The following CPQ variants were observed in gnomAD, a reference collection of about 807,000 sequenced individuals.
CPQ encodes carboxypeptidase Q.
Under a neutral mutation model 45.7 loss-of-function variants are expected in CPQ, and 37 were observed. That is an observed-to-expected ratio of 0.81 (90% CI 0.62 to 1.07). The LOEUF (loss-of-function observed/expected upper bound fraction) is 1.07. CPQ is among the 50% of genes least tolerant of loss of function. CPQ has a pLI of 0.00. For synonymous variants in CPQ, 186 were observed against 205.8 expected (o/e 0.90, Z 0.82); for missense variants, 537 against 572.9 (o/e 0.94, Z 0.64).
intron 1 of CPQ, among the ~76,000 whole-genome samples, chr8:96,712,947 T>C (rs114709212): frequency 0.012 from 1,844 of 152,286 alleles, 47 homozygotes; most frequent in African/African-American, 0.04. Context: ...TCTTGATCGC[T>C]TTGCCCCTTA....
intron 1 of CPQ, among the ~76,000 whole-genome samples, chr8:96,652,553 A>G (rs1035204711): frequency 1.3e-5 from 2 of 152,152 alleles, no homozygotes; most frequent in African/African-American, 4.8e-5. Flanking sequence ...CCCTCCATGA[A>G]GTTTTCTGTA....
chr8:96,666,606 C>A lies in CPQ; in HGVS notation c.-35+21204C>A, dbSNP rs1188722525. On this transcript the variant is annotated intron_variant, in intron 1 of 7. Transcript: ENST00000220763. ...AACATGGGAAAGTATGCTGGTAAAT[C>A]AAAAACTGTATCGACTGGTCTATCA... 3.9e-5 allele frequency among the ~76,000 whole-genome samples: 6 copies of A among 152,146 alleles called. No individual in the cohort carries two copies. In the South Asian group the frequency reaches 6.2e-4, roughly 16 times the overall value.
chr8:96,836,475 C>A (rs187694170), intron 3 of CPQ, among the ~76,000 whole-genome samples: 23 of 152,158 alleles, frequency 1.5e-4, no homozygotes, highest in East Asian at 3.9e-4. Flanking sequence ...ATGTTCTTTG[C>A]GGGGTCTTTA....
At chr8:96,775,824 T>C (rs1351528972) in intron 1 of CPQ, among the ~76,000 whole-genome samples, 2 of 152,130 alleles carry the variant, frequency 1.3e-5, no homozygotes, top group East Asian at 3.9e-4. Context: ...CTCCATACCA[T>C]GGTGACAAGT....
intron 1 of CPQ, among the ~76,000 whole-genome samples, chr8:96,650,715 A>G (rs185558016): frequency 6.6e-6 from 1 of 152,362 alleles, no homozygotes; most frequent in Non-Finnish European, 1.5e-5. Flanking sequence ...TGAAGACCAA[A>G]AGAGCCAAGA....
intron 1 of CPQ, among the ~76,000 whole-genome samples, chr8:96,658,807 G>A (rs1446394718): frequency 6.6e-6 from 1 of 151,992 alleles, no homozygotes; most frequent in African/African-American, 2.4e-5. Context: ...CACGAGCCAA[G>A]GAATGTGGGT....
intron 6 of CPQ, among the ~76,000 whole-genome samples, chr8:97,049,345 A>C (rs1810316953): frequency 1.3e-5 from 2 of 152,224 alleles, no homozygotes; most frequent in Non-Finnish European, 2.9e-5. Flanking sequence ...AAGGAGACCC[A>C]AAGGATGTCA....
intron 6 of CPQ, among the ~76,000 whole-genome samples, chr8:97,031,295 T>C (rs987843524): frequency 2.6e-5 from 4 of 151,350 alleles, no homozygotes; most frequent in Non-Finnish European, 4.4e-5. Flanking sequence ...CAAGTGATTC[T>C]CCTGCCTCAG....
At position 97,041,066 on chromosome 8, in the gene CPQ, G is replaced by A. The variant is rs999059794; in HGVS notation, c.1053+11572G>A. On this transcript the variant is annotated intron_variant, in intron 6 of 7. Transcript: ENST00000220763. The stretch of plus-strand genomic sequence containing the variant: ...GGGGATGGCATTGAATCTATAAATT[G>A]CCTTGGGCAGTATGGACATTTTCAT... Among the ~76,000 whole-genome samples, 30 of 152,166 alleles carry A rather than the reference G, an allele frequency of 2.0e-4. No homozygotes were observed. In the East Asian group the frequency reaches 5.6e-3, roughly 28 times the overall value.
intron 4 of CPQ, among the ~76,000 whole-genome samples, chr8:96,891,652 A>G (rs1812378701): frequency 6.6e-6 from 1 of 152,214 alleles, no homozygotes; most frequent in African/African-American, 2.4e-5. Flanking sequence ...CACATTGGAT[A>G]CAAATATTTT....
chr8:97,005,646 G>C (rs911605260), intron 5 of CPQ, among the ~76,000 whole-genome samples: 1 of 152,110 alleles, frequency 6.6e-6, no homozygotes, highest in African/African-American at 2.4e-5. Context: ...GGCAAGAAAA[G>C]TTCTATCATA....
intron 3 of CPQ, among the ~76,000 whole-genome samples, chr8:96,835,658 C>T (rs1489486542): frequency 2.6e-5 from 4 of 152,152 alleles, no homozygotes; most frequent in Admixed American, 1.3e-4. Context: ...CTTGGCTCTG[C>T]TCCCAAACAA....
chr8:96,663,030 T>C (rs1315982753), intron 1 of CPQ, among the ~76,000 whole-genome samples: 1 of 152,152 alleles, frequency 6.6e-6, no homozygotes, highest in Non-Finnish European at 1.5e-5. Context: ...TTCTAGAGAA[T>C]GGGTAATCAC....
At chr8:96,852,799 C>G (rs980958619) in intron 3 of CPQ, among the ~76,000 whole-genome samples, 27 of 152,126 alleles carry the variant, frequency 1.8e-4, no homozygotes, top group African/African-American at 5.6e-4. Context: ...TTCCAGGCGG[C>G]CTCTCTGTCT....
At chr8:96,983,676 T>C (rs1426529103) in intron 5 of CPQ, among the ~76,000 whole-genome samples, 1 of 152,164 alleles carries the variant, frequency 6.6e-6, no homozygotes, top group Non-Finnish European at 1.5e-5. Flanking sequence ...AAATTTCTCC[T>C]TTAATTTCTA....
chr8:97,060,370 T>C (rs76902138), intron 6 of CPQ, among the ~76,000 whole-genome samples: 2,891 of 152,238 alleles, frequency 0.019, 97 homozygotes, highest in African/African-American at 0.066. Flanking sequence ...CAGCATGTGA[T>C]TGTAGCACAA....
intron 5 of CPQ, among the ~76,000 whole-genome samples, chr8:96,990,143 A>C (rs1054322056): frequency 1.2e-4 from 18 of 152,006 alleles, no homozygotes; most frequent in African/African-American, 4.1e-4. Flanking sequence ...TCAGCACATC[A>C]CATCCCCTAA....
chr8:97,108,520 A>G (rs1811443294), intron 7 of CPQ, among the ~76,000 whole-genome samples: 1 of 152,150 alleles, frequency 6.6e-6, no homozygotes, highest in Non-Finnish European at 1.5e-5. Context: ...AAAACACGCA[A>G]TTTCTTTTCA....
intron 5 of CPQ, among the ~76,000 whole-genome samples, chr8:97,004,137 T>TA (rs1337554331): frequency 6.6e-6 from 1 of 151,776 alleles, no homozygotes; most frequent in Non-Finnish European, 1.5e-5. Flanking sequence ...GAATTTAACT[T>TA]AAAGTACATG....
Sources: gnomAD v4.1 joint callset for allele counts (sites outside exome capture counted in the v4.1 genomes callset) on GRCh38, gnomAD v4.1.1 for gene constraint, MANE v1.5 for transcripts, NCBI Gene and HGNC (gene_info 2026-07-23, HGNC 2026-07-21) for gene names.